SKOR2: variants seen among roughly 807,000 people sequenced by gnomAD.
SKOR2 encodes the protein LBX1 corepressor 1-like protein.
A neutral mutation model predicts 69.1 loss-of-function variants in SKOR2; 47 were observed. The ratio of observed to expected loss-of-function variants is 0.68; its 90% CI spans 0.54 to 0.87. SKOR2 has a LOEUF of 0.87. Ranked by LOEUF, SKOR2 falls within the 40% of genes least tolerant of loss-of-function variation. The pLI is 0.00. For synonymous variants in SKOR2, 717 were observed against 672.6 expected (o/e 1.07, Z -1.02); for missense variants, 1,404 against 1,472.2 (o/e 0.95, Z 0.76).
intron 2 of SKOR2, among the ~76,000 whole-genome samples, chr18:47,245,885 C>T (rs545366978): frequency 1.3e-5 from 2 of 152,230 alleles, no homozygotes; most frequent in East Asian, 3.9e-4. Flanking sequence ...ATTCACTTCG[C>T]CCTAAAGTCC....
At chr18:47,239,530 G>A (rs2684848) in intron 4 of SKOR2, among the ~76,000 whole-genome samples, 9,607 of 152,216 alleles carry the variant, frequency 0.063, 395 homozygotes, top group East Asian at 0.14. Flanking sequence ...GTGCATACAC[G>A]TTGCATCTTG....
At chr18:47,243,189 C>CA (rs1568089835) in intron 4 of SKOR2, among the ~76,000 whole-genome samples, 2 of 152,266 alleles carry the variant, frequency 1.3e-5, no homozygotes, top group East Asian at 3.9e-4. Flanking sequence ...ACAGACCTAG[C>CA]AAAGGTCTCC....
intron 5 of SKOR2, 150 bp downstream of exon 5, chr18:47,230,785 A>T (rs1431726240): frequency 1.3e-6 from 1 of 747,044 alleles, no homozygotes; most frequent in Admixed American, 2.8e-5. Context: ...TGTATGCATT[A>T]ATCTCAATTA....
At position 47,248,049 on chromosome 18, in the gene SKOR2, T is replaced by A; in HGVS notation, c.1135A>T (p.Ser379Cys). ...GAGAGAKGPR[S>C]YPVIPVPSKG... The stretch of plus-strand genomic sequence containing the variant: ...CTGGGCACCGGGATGACTGGGTAGC[T>A]GCGCGGGCCTTTGGCCCCTGCCCCG... The change falls in exon 2 of 9, where the codon AGC becomes TGC. Residue 379 changes from serine (S) to cysteine (C), a missense_variant. Transcript: ENST00000425639. This position sits in a 1 kb window ranked among gnomAD's most constrained non-coding sequence, Gnocchi z 6.4. 2 of 1,434,956 alleles carry A rather than the reference T, an allele frequency of 1.4e-6. No individual in the cohort carries two copies. Among genetic ancestry groups the A allele is most frequent in the Non-Finnish European group, 1.8e-6 (2 of 1,095,132 alleles). 88.9% of individuals were successfully genotyped at this position (1,434,956 alleles called of 1,614,324 possible). A position where few individuals can be genotyped will look rare whatever the true frequency, so the allele number is the denominator to read the frequency against.
chr18:47,233,410 A>T (rs1466330767), intron 4 of SKOR2, among the ~76,000 whole-genome samples: 1 of 152,238 alleles, frequency 6.6e-6, no homozygotes, highest in African/African-American at 2.4e-5. Context: ...GGTTGATAAC[A>T]AATTATTAAT....
intron 7 of SKOR2, 104 bp from the exon 8 acceptor site, chr18:47,212,255 C>T (rs1262923651): frequency 9.3e-7 from 1 of 1,078,712 alleles, no homozygotes; most frequent in Non-Finnish European, 1.2e-6. Context: ...GCCAATAGAT[C>T]CTCCCTGAAA....
chr18:47,248,726 C>T lies in SKOR2; in HGVS notation c.458G>A (p.Trp153Ter). 1 of 1,554,652 alleles carries T rather than the reference C, an allele frequency of 6.4e-7. No homozygotes were observed. Among genetic ancestry groups the T allele is most frequent in the Admixed American group, 1.9e-5 (1 of 53,104 alleles). ...FAFDVSHECA[W>*]GCRGSFIPAR... is the part of the protein sequence containing the mutation. ...GGGAATGAAGCTGCCGCGGCAGCCC[C>T]AGGCGCACTCGTGTGACACGTCGAA... Residue 153 changes from tryptophan (W) to a stop codon, truncating the protein, a stop_gained, in exon 2 of 9, where the codon TGG (tryptophan) becomes TAG (stop). Coordinates refer to ENST00000425639, the MANE Select transcript of SKOR2 (RefSeq NM_001278063.4). LOFTEE classifies it high-confidence loss of function. This position sits in a 1 kb window ranked among gnomAD's most constrained non-coding sequence, Gnocchi z 6.4.
intron 4 of SKOR2, among the ~76,000 whole-genome samples, chr18:47,238,320 C>CTTTTTT (rs772229985): frequency 3.8e-4 from 41 of 108,044 alleles, no homozygotes; most frequent in Non-Finnish European, 4.7e-4. Flanking sequence ...CTTTTCTTTT[C>CTTTTTT]TTTTTTTTTT....
chr18:47,247,753 G>A lies in SKOR2; in HGVS notation c.1431C>T (p.Gly477=), dbSNP rs2064287620. 2 of 1,375,178 alleles carry A rather than the reference G, an allele frequency of 1.5e-6. No individual in the cohort carries two copies. Among genetic ancestry groups the A allele is most frequent in the African/African-American group, 1.5e-5 (1 of 65,112 alleles). 85.2% of individuals were successfully genotyped at this position (1,375,178 alleles called of 1,614,324 possible). A position where few individuals can be genotyped will look rare whatever the true frequency, so the allele number is the denominator to read the frequency against. Residue 477 remains glycine, a synonymous_variant, in exon 2 of 9, where the codon GGC becomes GGT. Coordinates refer to ENST00000425639, the MANE Select transcript of SKOR2 (RefSeq NM_001278063.4). The surrounding 1 kb of genome is among the most constrained non-coding windows in gnomAD (Gnocchi z 6.6). Reference sequence around the variant, plus strand: ...GCAGGTAGGTGGGCACCGGGAGCCCGCCAGGGGTCCGCGGCGGCCAGAACA... The same window carrying A: ...GCAGGTAGGTGGGCACCGGGAGCCCACCAGGGGTCCGCGGCGGCCAGAACA... ...FCMFWPPRTP[G]GLPVPTYLQP...
At chr18:47,240,300 C>A (rs1200589943) in intron 4 of SKOR2, among the ~76,000 whole-genome samples, 1 of 152,160 alleles carries the variant, frequency 6.6e-6, no homozygotes, top group East Asian at 1.9e-4. Flanking sequence ...CCAGCTTACC[C>A]CACTGCATTC....
chr18:47,206,898 A>C lies in SKOR2; in HGVS notation c.*4-6T>G, dbSNP rs1254538622. 6.6e-6 allele frequency: 1 copy of C among 152,266 alleles called. No homozygotes were observed. The highest frequency in any genetic ancestry group is 1.5e-5 in the Non-Finnish European group (1 of 68,062). 9.4% of individuals were successfully genotyped at this position (152,266 alleles called of 1,614,324 possible). A position where few individuals can be genotyped will look rare whatever the true frequency, so the allele number is the denominator to read the frequency against. ...GAGTAAGTAGTTCTGTGCACCTGGG[A>C]TAAGACAAAAGCATAGAATGACAAG... is the stretch of plus-strand genomic sequence containing the variant. On this transcript the variant is annotated splice_polypyrimidine_tract_variant and splice_region_variant and intron_variant, in intron 8 of 8. Transcript: ENST00000425639.
intron 2 of SKOR2, 125 bp downstream of exon 2, chr18:47,246,446 T>C (rs2064273440): frequency 1.6e-6 from 2 of 1,270,888 alleles, no homozygotes; most frequent in East Asian, 3.1e-5. Flanking sequence ...CTAAACACAC[T>C]GAATATTTCA....
Position 47,248,484 on chromosome 18 carries a change from T to C in SKOR2, c.700A>G (p.Met234Val). 1 of 1,526,318 alleles carries C rather than the reference T, an allele frequency of 6.6e-7. No homozygotes were observed. The highest frequency in any genetic ancestry group is 8.8e-7 in the Non-Finnish European group (1 of 1,140,786). The allele number at this position is 1,526,318 out of a possible 1,614,324, so 94.5% of individuals were successfully genotyped here. The part of the protein sequence containing the change: ...LVFAWEDVKA[M>V]FNGGSRKRAL... ...CGCTTGCGGCTGCCGCCGTTGAACA[T>C]GGCCTTGACGTCCTCCCAGGCGAAG... Residue 234 changes from methionine (M) to valine (V), a missense_variant, in exon 2 of 9, where the codon ATG (methionine) becomes GTG (valine). Physicochemically the swap from Met to Val is conservative, Grantham distance 21 (BLOSUM62 1). Coordinates refer to ENST00000425639, the MANE Select transcript of SKOR2 (RefSeq NM_001278063.4). The surrounding 1 kb of genome is among the most constrained non-coding windows in gnomAD (Gnocchi z 6.4).
chr18:47,240,302 A>G (rs2064243336), intron 4 of SKOR2, among the ~76,000 whole-genome samples: 1 of 152,140 alleles, frequency 6.6e-6, no homozygotes, highest in Admixed American at 6.5e-5. Flanking sequence ...AGCTTACCCC[A>G]CTGCATTCAA....
chr18:47,223,953 T>C (rs1430241308), intron 6 of SKOR2, among the ~76,000 whole-genome samples: 2 of 151,944 alleles, frequency 1.3e-5, no homozygotes, highest in African/African-American at 4.8e-5. Context: ...TCGCCCAGGC[T>C]GGAGTGCCGT....
At chr18:47,240,877 T>C (rs1016479497) in intron 4 of SKOR2, among the ~76,000 whole-genome samples, 2 of 152,218 alleles carry the variant, frequency 1.3e-5, no homozygotes, top group Non-Finnish European at 2.9e-5. Flanking sequence ...AAAAATTGCA[T>C]ACCGACTTAT....
At chr18:47,225,917 A>G (rs2064177185) in intron 6 of SKOR2, among the ~76,000 whole-genome samples, 1 of 152,172 alleles carries the variant, frequency 6.6e-6, no homozygotes, top group African/African-American at 2.4e-5. Flanking sequence ...TAACTTAGAT[A>G]TACCATGATA....
chr18:47,242,648 T>C (rs2064254118), intron 4 of SKOR2, among the ~76,000 whole-genome samples: 1 of 152,132 alleles, frequency 6.6e-6, no homozygotes, highest in Non-Finnish European at 1.5e-5. Flanking sequence ...TTATGAAGAT[T>C]GATATTTATC....
rs2064302460 is a variant in SKOR2 at position 47,249,237 on chromosome 18, G to C, written c.-47-7C>G. On this transcript the variant is annotated splice_polypyrimidine_tract_variant and splice_region_variant and intron_variant, in intron 1 of 8. Coordinates refer to ENST00000425639, the MANE Select transcript of SKOR2 (RefSeq NM_001278063.4). Reference sequence around the variant, plus strand: ...TACAGGTCTGCCTTGGACACTGGAAGGGAAAGGAGAAAGCGTTGACTTGAG... The same window carrying C: ...TACAGGTCTGCCTTGGACACTGGAACGGAAAGGAGAAAGCGTTGACTTGAG... The C allele has an allele frequency of 1.3e-6, 2 of 1,491,912 alleles. No individual in the cohort carries two copies. The highest frequency in any genetic ancestry group is 2.8e-5 in the African/African-American group (2 of 71,652). 92.4% of individuals were successfully genotyped at this position (1,491,912 alleles called of 1,614,324 possible).
Sources: gnomAD v4.1 joint callset for allele counts (sites outside exome capture counted in the v4.1 genomes callset) on GRCh38, gnomAD v4.1.1 for gene constraint, Gnocchi (gnomAD v3.1) non-coding constraint, MANE v1.5 for transcripts, NCBI Gene and HGNC (gene_info 2026-07-23, HGNC 2026-07-21) for gene names.